Variants in ADGRF5 observed in about 807,000 individuals in gnomAD.
The protein encoded by ADGRF5 is G-protein coupled receptor 116.
ADGRF5 carries 75 observed loss-of-function variants against 132.3 expected under a neutral mutation model. That is an observed-to-expected ratio of 0.57 (90% confidence interval 0.47 to 0.69). The LOEUF (loss-of-function observed/expected upper bound fraction) is 0.69, where lower values mean the gene tolerates loss of function less well. Among genes scored for constraint, ADGRF5 ranks in the 30% least tolerant of loss-of-function variants. The probability of loss-of-function intolerance (pLI) is 0.00; values close to 1 mark genes in which losing one functional copy is unlikely to be tolerated. For missense variants in ADGRF5, 1,516 were observed against 1,630.6 expected (o/e 0.93, Z 1.21); for synonymous variants, 629 against 597.6 (o/e 1.05, Z -0.77).
chr6:46,875,692 C>T (rs200442440), intron 10 of ADGRF5, among the ~76,000 whole-genome samples: 1 of 152,056 alleles, frequency 6.6e-6, no homozygotes, highest in East Asian at 1.9e-4. Flanking sequence ...CAGGAGAATC[C>T]CTTGAACCCC....
chr6:46,858,080 G>T, intron 17 of ADGRF5, 49 bp downstream of exon 17: 2 of 1,359,500 alleles, frequency 1.5e-6, no homozygotes, highest in Admixed American at 2.0e-5. Flanking sequence ...TCATTAATTT[G>T]TCCTACAGGA....
chr6:46,917,916 CA>C (rs991290159), intron 1 of ADGRF5, among the ~76,000 whole-genome samples: 1 of 152,096 alleles, frequency 6.6e-6, no homozygotes, highest in Non-Finnish European at 1.5e-5. Context: ...CAAATTCAAT[CA>C]AAAAAATTGT....
chr6:46,939,768 C>T lies in ADGRF5; in HGVS notation c.-25+14966G>A, dbSNP rs187100534. On this transcript the variant is annotated intron_variant, in intron 1 of 20. Coordinates refer to the ADGRF5 transcript ENST00000265417. ...GAAAAATCTTCAAGCATGTATTTAG[C>T]CCATTTTTTCTGTATATAATAGAGA... 2.0e-5 allele frequency among the ~76,000 whole-genome samples: 3 copies of T among 152,252 alleles called. No homozygotes were observed. The East Asian group carries it at 5.8e-4, about 29-fold the overall frequency.
At chr6:46,856,155 C>T in intron 19 of ADGRF5, 97 bp from the exon 20 acceptor site, 2 of 704,578 alleles carry the variant, frequency 2.8e-6, no homozygotes, top group Non-Finnish European at 5.1e-6. Flanking sequence ...CTCTAGTGGT[C>T]ACTGCCGGAA....
chr6:46,929,710 C>T (rs1412591338), intron 1 of ADGRF5, among the ~76,000 whole-genome samples: 6 of 151,924 alleles, frequency 3.9e-5, no homozygotes, highest in Admixed American at 2.6e-4. Flanking sequence ...TTTGGCTTTT[C>T]CTTATGATGT....
intron 17 of ADGRF5, 37 bp downstream of exon 17, chr6:46,858,092 T>C: frequency 6.8e-7 from 1 of 1,468,468 alleles, no homozygotes; most frequent in Non-Finnish European, 9.3e-7. Context: ...CCTACAGGAA[T>C]AAAATCTTCC....
In ADGRF5 at chr6:46,859,332, T is replaced by G. The variant is rs376295199; in HGVS notation, c.2571A>C (p.Val857=). 5 of 1,613,768 alleles carry G rather than the reference T, an allele frequency of 3.1e-6. No individual in the cohort carries two copies. In the Admixed American group the frequency reaches 6.7e-5, roughly 22 times the overall value. The change falls in exon 17 of 21, where the codon GTA becomes GTC. Residue 857 remains valine (V), a synonymous_variant. Coordinates refer to ENST00000283296, the MANE Select transcript of ADGRF5 (RefSeq NM_001098518.2). ...AGGTTTCTGGGTGGCTGGACTTGAT[T>G]ACCATGCTGCTCATCTGCACATTAG... ...SQTNVQMSSM[V]IKSSHPETYQ...
intron 1 of ADGRF5, among the ~76,000 whole-genome samples, chr6:46,931,078 T>C (rs1383540328): frequency 6.6e-6 from 1 of 152,094 alleles, no homozygotes; most frequent in African/African-American, 2.4e-5. Context: ...ACATTCATCT[T>C]CCTACATAAA....
At chr6:46,932,875 G>C (rs946307170) in intron 1 of ADGRF5, among the ~76,000 whole-genome samples, 1 of 152,062 alleles carries the variant, frequency 6.6e-6, no homozygotes, top group African/African-American at 2.4e-5. Flanking sequence ...GCCCTTTCAA[G>C]AATACATAAT....
At chr6:46,898,714 ACT>A (rs1774432293) in intron 3 of ADGRF5, among the ~76,000 whole-genome samples, 1 of 152,056 alleles carries the variant, frequency 6.6e-6, no homozygotes, top group Admixed American at 6.6e-5. Context: ...AGATGCCTCC[ACT>A]CTGATCTTAG....
exon 1 of ADGRF5, chr6:46,954,740 C>T (rs1451153197): frequency 6.6e-6 from 1 of 152,226 alleles, no homozygotes; most frequent in African/African-American, 2.4e-5. Flanking sequence ...CTACCTTTCT[C>T]TTCTGGAGTT....
chr6:46,877,930 C>G (rs111879205), intron 10 of ADGRF5, among the ~76,000 whole-genome samples: 1 of 152,144 alleles, frequency 6.6e-6, no homozygotes, highest in Non-Finnish European at 1.5e-5. Context: ...AAAATGCCAT[C>G]GACCTAAGTC....
At chr6:46,869,477 C>T in intron 11 of ADGRF5, 1 of 577,402 alleles carries the variant, frequency 1.7e-6, no homozygotes, top group Non-Finnish European at 2.2e-6. Context: ...CCGGGTTCCT[C>T]TAACAATCTC....
chr6:46,884,047 C>T, intron 5 of ADGRF5, 48 bp downstream of exon 5: 2 of 1,477,370 alleles, frequency 1.4e-6, no homozygotes, highest in African/African-American at 1.4e-5. Context: ...CAGTCGTAAA[C>T]TGATGTTGAA....
chr6:46,856,849 A>G lies in ADGRF5; in HGVS notation c.3816+18T>C, dbSNP rs1394988169. ...ACTTCAGACTTTTCTAGAAACATGA[A>G]ACTGTCATTGCTCTTACCTTCAGAT... is the stretch of plus-strand genomic sequence containing the variant. On this transcript the variant is annotated intron_variant, in intron 18 of 20. Coordinates refer to ENST00000283296, the MANE Select transcript of ADGRF5 (RefSeq NM_001098518.2). 1 of 1,608,534 alleles carries G rather than the reference A, an allele frequency of 6.2e-7. No individual in the cohort carries two copies. The highest frequency in any genetic ancestry group is 8.5e-7 in the Non-Finnish European group (1 of 1,176,748).
At chr6:46,890,622 C>G (rs2150860927) in intron 3 of ADGRF5, among the ~76,000 whole-genome samples, 1 of 151,974 alleles carries the variant, frequency 6.6e-6, no homozygotes, top group Non-Finnish European at 1.5e-5. Context: ...GAGGCTGAGG[C>G]AGAAGAATCG....
At chr6:46,899,614 G>A (rs1208054413) in intron 3 of ADGRF5, among the ~76,000 whole-genome samples, 5 of 152,030 alleles carry the variant, frequency 3.3e-5, no homozygotes, top group African/African-American at 1.2e-4. Context: ...CTTGAGCCTC[G>A]TGGTTAGATT....
intron 1 of ADGRF5, among the ~76,000 whole-genome samples, chr6:46,927,130 C>T (rs751702739): frequency 1.3e-5 from 2 of 151,942 alleles, no homozygotes; most frequent in Non-Finnish European, 2.9e-5. Context: ...CTTTGACTCC[C>T]AAAAAAGTTT....
chr6:46,870,950 C>T (rs1189525544), intron 11 of ADGRF5: 1 of 295,002 alleles, frequency 3.4e-6, no homozygotes, highest in African/African-American at 2.3e-5. Flanking sequence ...CAAAACTGTT[C>T]TACCTGTAGA....
Sources: gnomAD v4.1 joint callset for allele counts (sites outside exome capture counted in the v4.1 genomes callset) on GRCh38, gnomAD v4.1.1 for gene constraint, MANE v1.5 for transcripts, NCBI Gene and HGNC (gene_info 2026-07-23, HGNC 2026-07-21) for gene names.